MND1: variants seen among roughly 807,000 people sequenced by gnomAD.
MND1 encodes meiotic nuclear divisions 1.
In MND1, 28 loss-of-function variants were observed where a neutral mutation model predicts 35.1. The ratio of observed to expected loss-of-function variants is 0.80; its 90% CI spans 0.59 to 1.09. The LOEUF is 1.09. MND1 is among the 50% of genes least tolerant of loss of function. The pLI, the probability that MND1 is intolerant of heterozygous loss-of-function variation, is 0.00. For synonymous variants in MND1, 69 were observed against 70.5 expected (o/e 0.98, Z 0.11); for missense variants, 213 against 239.6 (o/e 0.89, Z 0.73).
At chr4:153,395,502 A>C (rs889896910) in intron 5 of MND1, among the ~76,000 whole-genome samples, 2 of 152,154 alleles carry the variant, frequency 1.3e-5, no homozygotes, top group Non-Finnish European at 2.9e-5. Context: ...GCTCATCCTG[A>C]TCTTACCAGC....
At chr4:153,365,696 C>T (rs1354900062) in intron 4 of MND1, among the ~76,000 whole-genome samples, 3 of 152,096 alleles carry the variant, frequency 2.0e-5, no homozygotes, top group Non-Finnish European at 2.9e-5. Context: ...AACTCCTGGG[C>T]TCAAGCAGTC....
intron 6 of MND1, among the ~76,000 whole-genome samples, chr4:153,404,338 C>T (rs1055542279): frequency 9.2e-5 from 13 of 141,948 alleles, no homozygotes; most frequent in African/African-American, 3.1e-4. Context: ...CGTGCCACCA[C>T]GCCCAGCTTT....
At chr4:153,351,702 G>A (rs1773220838) in intron 2 of MND1, among the ~76,000 whole-genome samples, 1 of 152,108 alleles carries the variant, frequency 6.6e-6, no homozygotes. Flanking sequence ...TGTTGCAATT[G>A]GCAAGTAAAA....
chr4:153,344,757 C>T lies in MND1; in HGVS notation c.3+17C>T, dbSNP rs781724556. ...CGCGCCATGGTAAGGACTGAGGCTA[C>T]GGTCCCGCGTCTTCTTCCTCCCTAG... On this transcript the variant is annotated intron_variant, in intron 1 of 7. Coordinates refer to ENST00000240488, the MANE Select transcript of MND1 (RefSeq NM_032117.4). The T allele has an allele frequency of 4.4e-6, 7 of 1,600,250 alleles. No individual in the cohort carries two copies. The highest frequency in any genetic ancestry group is 5.1e-6 in the Non-Finnish European group (6 of 1,174,594).
chr4:153,406,848 A>C (rs1729523712), intron 6 of MND1, among the ~76,000 whole-genome samples: 1 of 150,846 alleles, frequency 6.6e-6, no homozygotes, highest in East Asian at 1.9e-4. Flanking sequence ...CAAAAGAAAG[A>C]GGTTTATTGG....
At chr4:153,398,719 A>G (rs556782055) in intron 6 of MND1, among the ~76,000 whole-genome samples, 1 of 152,352 alleles carries the variant, frequency 6.6e-6, no homozygotes, top group Admixed American at 6.5e-5. Flanking sequence ...CCACAGATTT[A>G]TTTGTCATCA....
Position 153,345,444 on chromosome 4 carries a change from C to CT in MND1, c.3+710dup, listed in dbSNP as rs1190643629. On this transcript the variant is annotated intron_variant, in intron 1 of 7. Transcript: ENST00000240488. ...CTGCTGGTTGTGTAGGGCGCTGTTG[C>CT]TTTTTTAAGGACGCTCTGCACTGAA... is the stretch of plus-strand genomic sequence containing the variant. The CT allele has an allele frequency of 6.1e-6, 6 of 985,404 alleles. No homozygotes were observed. In the East Asian group the frequency reaches 3.4e-4, roughly 56 times the overall value. The allele number at this position is 985,404 out of a possible 1,614,324, so 61.0% of individuals were successfully genotyped here. A position where few individuals can be genotyped will look rare whatever the true frequency, so the allele number is the denominator to read the frequency against.
In MND1 at chr4:153,394,324, C is replaced by G. The variant is rs754791491; in HGVS notation, c.339C>G (p.Gly113=). Residue 113 remains glycine (G), a synonymous_variant, in exon 5 of 8, where the codon GGC becomes GGG. Transcript: ENST00000240488. The part of the protein sequence containing the change: ...LQKSIEKAKI[G]RCETEERTRL... The stretch of plus-strand genomic sequence containing the variant: ...AAAGCATTGAGAAAGCTAAAATTGG[C>G]CGATGTGAAACGGTAAGTTTGTGTC... 7.4e-6 allele frequency: 12 copies of G among 1,610,946 alleles called. No individual in the cohort carries two copies. The highest frequency in any genetic ancestry group is 1.7e-5 in the Admixed American group (1 of 59,794).
At position 153,383,655 on chromosome 4, in the gene MND1, A is replaced by T. The variant is rs1030998560; in HGVS notation, c.277-10607A>T. On this transcript the variant is annotated intron_variant, in intron 4 of 7. Coordinates refer to ENST00000240488, the MANE Select transcript of MND1 (RefSeq NM_032117.4). The stretch of plus-strand genomic sequence containing the variant: ...AAAGATTACGTGCCCTCCCTAGCAG[A>T]CTTCTGTTGTGACTCCTGAAGCACT... Among the ~76,000 whole-genome samples, 11 of 152,294 alleles carry T rather than the reference A, an allele frequency of 7.2e-5. No individual in the cohort carries two copies. The South Asian group carries it at 1.0e-3, about 14-fold the overall frequency.
At chr4:153,351,046 T>A (rs1169624555) in intron 2 of MND1, among the ~76,000 whole-genome samples, 3 of 151,532 alleles carry the variant, frequency 2.0e-5, no homozygotes, top group Admixed American at 1.3e-4. Context: ...CAGAACAGGG[T>A]GTCATATTAT....
At position 153,357,301 on chromosome 4, in the gene MND1, T is replaced by G. The variant is rs191858730; in HGVS notation, c.128-1173T>G. On this transcript the variant is annotated intron_variant, in intron 3 of 7. Coordinates refer to ENST00000240488, the MANE Select transcript of MND1 (RefSeq NM_032117.4). ...ACAGTCATCAGTGAACAATTGGTTC[T>G]GCTACTTCTTAAAGATATGCAAATT... 9.3e-4 allele frequency among the ~76,000 whole-genome samples: 142 copies of G among 152,340 alleles called. 2 individuals are homozygous for G. Among genetic ancestry groups the G allele is most frequent in the Admixed American group, 7.6e-3 (116 of 15,304 alleles).
At chr4:153,345,152 G>C (rs541151452) in intron 1 of MND1, among the ~76,000 whole-genome samples, 1 of 148,320 alleles carries the variant, frequency 6.7e-6, no homozygotes, top group Non-Finnish European at 1.5e-5. Flanking sequence ...CTTCGGCCCC[G>C]CGTGGTGTAG....
chr4:153,344,856 G>C, intron 1 of MND1, 116 bp downstream of exon 1: 1 of 1,494,322 alleles, frequency 6.7e-7, no homozygotes, highest in Non-Finnish European at 9.0e-7. Context: ...GGCCGCGGGA[G>C]CGGTCGCCCG....
chr4:153,349,559 C>T (rs551936144), intron 1 of MND1, among the ~76,000 whole-genome samples: 2 of 152,284 alleles, frequency 1.3e-5, no homozygotes, highest in South Asian at 4.1e-4. Context: ...TGGGGAATTC[C>T]ATGTACTTCC....
In MND1 at chr4:153,350,951, T is replaced by TAAA. The variant is rs567868452; in HGVS notation, c.69+838_69+840dup. Among the ~76,000 whole-genome samples, 47 of 123,508 alleles carry TAAA rather than the reference T, an allele frequency of 3.8e-4. 1 individual carries two copies. The highest frequency in any genetic ancestry group is 7.1e-4 in the African/African-American group (25 of 35,206). 81.0% of individuals were successfully genotyped at this position (123,508 alleles called of 152,430 possible). ...TTTTCACTTTAAGGCAGATTCTTAG[T>TAAA]AAAAAAAAAAAAAAAAAACAAACAA... On this transcript the variant is annotated intron_variant, in intron 2 of 7. Coordinates refer to ENST00000240488, the MANE Select transcript of MND1 (RefSeq NM_032117.4).
chr4:153,361,547 T>C (rs1773491703), intron 4 of MND1: 1 of 456,184 alleles, frequency 2.2e-6, no homozygotes, highest in South Asian at 1.5e-5. Context: ...TCTCCTATTA[T>C]AGAAAATTCT....
At chr4:153,360,664 T>TTATA (rs1773461075) in intron 4 of MND1, among the ~76,000 whole-genome samples, 1 of 53,448 alleles carries the variant, frequency 1.9e-5, no homozygotes, top group Admixed American at 2.8e-4. Flanking sequence ...ATAAATATTT[T>TTATA]TATATAAATA....
At chr4:153,413,142 G>A (rs185733848) in intron 7 of MND1, among the ~76,000 whole-genome samples, 11 of 151,992 alleles carry the variant, frequency 7.2e-5, no homozygotes, top group Admixed American at 4.6e-4. Context: ...TTTCAATATA[G>A]TCACATTCTG....
chr4:153,354,082 G>A (rs1773284236), intron 2 of MND1, among the ~76,000 whole-genome samples: 1 of 152,008 alleles, frequency 6.6e-6, no homozygotes, highest in Non-Finnish European at 1.5e-5. Flanking sequence ...CTTTTGTTAT[G>A]CAAGTTCTTT....
Sources: gnomAD v4.1 joint callset for allele counts (sites outside exome capture counted in the v4.1 genomes callset) on GRCh38, gnomAD v4.1.1 for gene constraint, MANE v1.5 for transcripts, NCBI Gene and HGNC (gene_info 2026-07-23, HGNC 2026-07-21) for gene names.